Variants in ST7 observed in about 807,000 individuals in gnomAD.
The protein encoded by ST7 is suppression of tumorigenicity 7, also known as suppressor of tumorigenicity 7 protein.
ST7 carries 28 observed loss-of-function variants against 78.7 expected under a neutral mutation model. The ratio of observed to expected loss-of-function variants is 0.36; its 90% CI spans 0.26 to 0.49. The LOEUF (loss-of-function observed/expected upper bound fraction) is 0.49, where lower values mean the gene tolerates loss of function less well. Ranked by LOEUF, ST7 falls within the 20% of genes least tolerant of loss-of-function variation. ST7 has a pLI of 0.99. For synonymous variants in ST7, 247 were observed against 249.6 expected, an observed-to-expected ratio of 0.99 and a Z score of 0.10; for missense variants, 418 against 696.0, an observed-to-expected ratio of 0.60 and a Z score of 4.49.
chr7:116,993,865 TTTGA>T (rs1794532948), intron 1 of ST7, among the ~76,000 whole-genome samples: 2 of 152,222 alleles, frequency 1.3e-5, no homozygotes, highest in South Asian at 4.1e-4. Context: ...AGTAGTGTAC[TTTGA>T]TTGTATTGTA....
At chr7:117,010,048 C>T (rs912420603) in intron 1 of ST7, among the ~76,000 whole-genome samples, 12 of 152,154 alleles carry the variant, frequency 7.9e-5, no homozygotes, top group Non-Finnish European at 1.6e-4. Context: ...TTTACTCATG[C>T]GTTTGGTCAT....
chr7:117,116,612 T>C (rs565023850), intron 2 of ST7, among the ~76,000 whole-genome samples: 2 of 152,318 alleles, frequency 1.3e-5, no homozygotes, highest in Admixed American at 6.5e-5. Context: ...CAATATTTAT[T>C]AGAAGGACGG....
intron 9 of ST7, among the ~76,000 whole-genome samples, chr7:117,155,183 C>T (rs985238969): frequency 6.6e-6 from 1 of 152,074 alleles, no homozygotes; most frequent in Non-Finnish European, 1.5e-5. Context: ...GAGAGGGAGC[C>T]AGCCACATGA....
chr7:117,138,298 GCTTTTACTTTACTTGA>G, intron 8 of ST7, 121 bp from the exon 9 acceptor site: 1 of 543,582 alleles, frequency 1.8e-6, no homozygotes, highest in African/African-American at 1.9e-5. Context: ...GAGTCTAAGT[GCTTTTACTTTACTTGA>G]TCTTCATTCT....
chr7:117,013,044 A>G (rs1198436665), intron 1 of ST7, among the ~76,000 whole-genome samples: 1 of 152,250 alleles, frequency 6.6e-6, no homozygotes, highest in Non-Finnish European at 1.5e-5. Flanking sequence ...ACAGCATAAA[A>G]ATAAAAAGTC....
In ST7 at chr7:116,957,176, G is replaced by A. The variant is rs539976586; in HGVS notation, c.151+3485G>A. 2.8e-4 allele frequency: 43 copies of A among 155,100 alleles called. No homozygotes were observed. In the South Asian group the frequency reaches 8.3e-3, roughly 30 times the overall value. 9.6% of individuals were successfully genotyped at this position (155,100 alleles called of 1,614,324 possible). A position where few individuals can be genotyped will look rare whatever the true frequency, so the allele number is the denominator to read the frequency against. The stretch of plus-strand genomic sequence containing the variant: ...CACCAGCTTGGCTCGTGTGACCTTC[G>A]TTGCATTGAGCCAGTGCCATTTAGG... On this transcript the variant is annotated intron_variant, in intron 1 of 15. Coordinates refer to ENST00000323984, the MANE Select transcript of ST7 (RefSeq NM_001369598.1).
At chr7:116,996,467 C>G (rs1794660504) in intron 1 of ST7, among the ~76,000 whole-genome samples, 1 of 152,154 alleles carries the variant, frequency 6.6e-6, no homozygotes, top group South Asian at 2.1e-4. Flanking sequence ...GAGCTAATAC[C>G]TCTGCCAATT....
chr7:117,219,051 G>C lies in ST7; in HGVS notation c.1406-33G>C. On this transcript the variant is annotated intron_variant, in intron 13 of 15. Transcript: ENST00000323984. The surrounding 1 kb of genome is among the most constrained non-coding windows in gnomAD (Gnocchi z 5.1). ...GTTGGGAAGTTATGACACAAACATT[G>C]GACATCTCTGACATATTTTTTCTCG... 1 of 1,555,058 alleles carries C rather than the reference G, an allele frequency of 6.4e-7. No homozygotes were observed. Among genetic ancestry groups the C allele is most frequent in the Non-Finnish European group, 8.8e-7 (1 of 1,136,256 alleles).
chr7:117,119,569 A>G lies in ST7; in HGVS notation c.243A>G (p.Glu81=), dbSNP rs768746886. The change falls in exon 3 of 16, where the codon GAA becomes GAG. Residue 81 remains glutamate, a synonymous_variant. Transcript: ENST00000323984. ...SLISGLILIF[E]WWYFRKYGTS... is the part of the protein sequence containing the mutation. ...TTATTTTTCTGTTCTAGATATTTGAATGGTGGTATTTTCGCAAATACGGAA... is the reference window on the plus strand; with the variant it reads ...TTATTTTTCTGTTCTAGATATTTGAGTGGTGGTATTTTCGCAAATACGGAA... 6.2e-6 allele frequency: 10 copies of G among 1,612,242 alleles called. No homozygotes were observed. The highest frequency in any genetic ancestry group is 1.3e-5 in the African/African-American group (1 of 74,830).
At chr7:117,051,240 C>G (rs1030856577) in intron 1 of ST7, among the ~76,000 whole-genome samples, 1 of 152,168 alleles carries the variant, frequency 6.6e-6, no homozygotes, top group African/African-American at 2.4e-5. Context: ...ATATAGCAGA[C>G]AACAAACAAA....
intron 1 of ST7, among the ~76,000 whole-genome samples, chr7:117,044,242 G>T (rs1004223840): frequency 6.6e-6 from 1 of 152,160 alleles, no homozygotes; most frequent in African/African-American, 2.4e-5. Context: ...TTGCATGAGG[G>T]TATCTTTCCA....
At chr7:117,009,301 T>TC (rs1380941484) in intron 1 of ST7, among the ~76,000 whole-genome samples, 15 of 145,258 alleles carry the variant, frequency 1.0e-4, no homozygotes, top group Non-Finnish European at 2.1e-4. Context: ...CCCACACTAG[T>TC]CCATTCATGA....
rs371248907 is a variant in ST7, at chr7:117,170,454, G to A, written c.964-408G>A. 3.2e-4 allele frequency among the ~76,000 whole-genome samples: 48 copies of A among 152,144 alleles called. No individual in the cohort carries two copies. The East Asian group carries it at 6.4e-3, about 20-fold the overall frequency. ...TCCCAGCACTTCGGGAGGCCGAGGCGGGCAGATCATGAGGTCAGGAGATCA... is the reference window on the plus strand; with the variant it reads ...TCCCAGCACTTCGGGAGGCCGAGGCAGGCAGATCATGAGGTCAGGAGATCA... On this transcript the variant is annotated intron_variant, in intron 9 of 15. Coordinates refer to ENST00000323984, the MANE Select transcript of ST7 (RefSeq NM_001369598.1).
intron 1 of ST7, among the ~76,000 whole-genome samples, chr7:117,033,929 ATTG>A (rs1217436070): frequency 6.6e-6 from 1 of 151,752 alleles, no homozygotes; most frequent in East Asian, 1.9e-4. Flanking sequence ...GGTCGTTTTT[ATTG>A]TTGTTGTTCT....
intron 12 of ST7, among the ~76,000 whole-genome samples, chr7:117,192,148 A>G: frequency 6.6e-6 from 1 of 152,326 alleles, no homozygotes; most frequent in East Asian, 1.9e-4. Context: ...CTTATATAAT[A>G]TTTTTCACCT....
At chr7:117,229,528 G>C (rs1294169802) in intron 15 of ST7, among the ~76,000 whole-genome samples, 1 of 152,242 alleles carries the variant, frequency 6.6e-6, no homozygotes, top group Non-Finnish European at 1.5e-5. Flanking sequence ...TGTCAGGGGA[G>C]TGAGGGGGCT....
chr7:117,034,446 G>A (rs975162160), intron 1 of ST7, among the ~76,000 whole-genome samples: 5 of 152,178 alleles, frequency 3.3e-5, no homozygotes, highest in Admixed American at 3.3e-4. Context: ...AACATCAGTG[G>A]TTCTAGGTTT....
At chr7:117,202,531 C>T (rs1048597645) in intron 12 of ST7, among the ~76,000 whole-genome samples, 12 of 152,164 alleles carry the variant, frequency 7.9e-5, no homozygotes, top group Admixed American at 1.3e-4. Context: ...TTGTCACCTT[C>T]GGTTCTTTCC....
intron 1 of ST7, among the ~76,000 whole-genome samples, chr7:117,062,627 T>A (rs1295086443): frequency 1.3e-5 from 2 of 152,376 alleles, no homozygotes; most frequent in African/African-American, 4.8e-5. Context: ...TAATACATGT[T>A]AAATTTTTCT....
Sources: gnomAD v4.1 joint callset for allele counts (sites outside exome capture counted in the v4.1 genomes callset) on GRCh38, gnomAD v4.1.1 for gene constraint, Gnocchi (gnomAD v3.1) non-coding constraint, MANE v1.5 for transcripts, NCBI Gene and HGNC (gene_info 2026-07-23, HGNC 2026-07-21) for gene names.